The following GPR174 variants were observed in gnomAD, a reference collection of about 807,000 sequenced individuals.
GPR174 encodes the protein probable G protein-coupled receptor 174.
GPR174 carries 8 observed loss-of-function variants against 16.5 expected under a neutral mutation model. That is an observed-to-expected ratio of 0.48 (90% CI 0.28 to 0.87). GPR174 has a LOEUF of 0.87. Ranked by LOEUF, GPR174 falls within the 40% of genes least tolerant of loss-of-function variation. GPR174 has a pLI of 0.09. For missense variants in GPR174, 214 were observed against 247.5 expected, an observed-to-expected ratio of 0.86 and a Z score of 0.91; for synonymous variants, 111 against 94.8, an observed-to-expected ratio of 1.17 and a Z score of -0.99.
intron 2 of GPR174, among the ~76,000 whole-genome samples, chrX:79,158,405 C>G (rs936404761): frequency 2.8e-5 from 3 of 106,015 alleles, no homozygotes; most frequent in African/African-American, 1.0e-4. Context: ...GGTAGGGTAG[C>G]CTACACAGAC....
Position 79,170,948 on chromosome X carries a change from T to G in GPR174, c.-60T>G. 9.8e-7 allele frequency: 1 copy of G among 1,015,521 alleles called. No individual in the cohort carries two copies. The highest frequency in any genetic ancestry group is 1.3e-6 in the Non-Finnish European group (1 of 744,894). 83.7% of individuals were successfully genotyped at this position (1,015,521 alleles called of 1,213,427 possible). A position where few individuals can be genotyped will look rare whatever the true frequency, so the allele number is the denominator to read the frequency against. On this transcript the variant is annotated 5_prime_UTR_variant, in exon 3 of 3. Transcript: ENST00000645147. ...ATCAATCTTTTGGAAGGAACAGCAGTTGATTGTGAATTTAGTTTTGAACCA... is the reference window on the plus strand; with the variant it reads ...ATCAATCTTTTGGAAGGAACAGCAGGTGATTGTGAATTTAGTTTTGAACCA...
chrX:79,163,139 C>A (rs1441967344), intron 2 of GPR174, among the ~76,000 whole-genome samples: 1 of 111,500 alleles, frequency 9.0e-6, no homozygotes, highest in African/African-American at 3.3e-5. Flanking sequence ...GCAGTGTGGA[C>A]ACTTGAAAGA....
intron 2 of GPR174, among the ~76,000 whole-genome samples, chrX:79,166,310 T>G (rs1002695453): frequency 1.8e-5 from 2 of 110,883 alleles, no homozygotes; most frequent in Non-Finnish European, 3.8e-5. Context: ...ATAAACAAGG[T>G]GTGCAAACCA....
At chrX:79,160,925 C>G (rs985790445) in intron 2 of GPR174, among the ~76,000 whole-genome samples, 2 of 111,148 alleles carry the variant, frequency 1.8e-5, no homozygotes, top group African/African-American at 6.5e-5. Flanking sequence ...AGATAAATTT[C>G]CATTTAAGAT....
At position 79,172,757 on chromosome X, in the gene GPR174, A is replaced by G. The variant is rs184557674; in HGVS notation, c.*748A>G. 8.9e-6 allele frequency: 1 copy of G among 111,883 alleles called. No individual in the cohort carries two copies. Among genetic ancestry groups the G allele is most frequent in the Non-Finnish European group, 1.9e-5 (1 of 53,131 alleles). 9.2% of individuals were successfully genotyped at this position (111,883 alleles called of 1,213,427 possible). A position where few individuals can be genotyped will look rare whatever the true frequency, so the allele number is the denominator to read the frequency against. ...TAGGACAGGTAGTTTGTCAAAGTCC[A>G]TACAAGGTGACTCAATTGGGCTCTA... On this transcript the variant is annotated 3_prime_UTR_variant, in exon 3 of 3. Transcript: ENST00000645147.
chrX:79,160,807 G>T (rs1269306850), intron 2 of GPR174, among the ~76,000 whole-genome samples: 1 of 111,908 alleles, frequency 8.9e-6, no homozygotes, highest in Non-Finnish European at 1.9e-5. Context: ...AGTGAAGAGA[G>T]AAGGGAAGAA....
chrX:79,166,801 TCTAA>T (rs1921383894), intron 2 of GPR174, among the ~76,000 whole-genome samples: 3 of 111,567 alleles, frequency 2.7e-5, no homozygotes, highest in South Asian at 3.8e-4. Context: ...CTTAGTTGAA[TCTAA>T]CTGAGTTTCG....
At chrX:79,161,396 C>T (rs1361054878) in intron 2 of GPR174, among the ~76,000 whole-genome samples, 3 of 111,624 alleles carry the variant, frequency 2.7e-5, no homozygotes, top group Non-Finnish European at 3.8e-5. Context: ...GAAATAAAAT[C>T]GTAAAAAAAA....
intron 1 of GPR174, among the ~76,000 whole-genome samples, chrX:79,156,530 A>G (rs951765915): frequency 6.2e-5 from 7 of 112,199 alleles, no homozygotes; most frequent in African/African-American, 2.3e-4. Context: ...AGTTCACCAT[A>G]GTTAAGGGCT....
rs183186570 is a variant in GPR174, at chrX:79,170,720, G to A, written c.-288G>A. ...ATAAGCTCTCATGATGTCCCAGAGG[G>A]CCTTAAAATAAACAAGAGGGGAAAT... is the stretch of plus-strand genomic sequence containing the variant. On this transcript the variant is annotated 5_prime_UTR_variant, in exon 3 of 3. Coordinates refer to ENST00000645147, the MANE Select transcript of GPR174 (RefSeq NM_032553.3). 3.2e-4 allele frequency: 99 copies of A among 308,100 alleles called. 1 individual carries two copies. In the East Asian group the frequency reaches 5.6e-3, roughly 18 times the overall value. The allele number at this position is 308,100 out of a possible 1,213,427, so 25.4% of individuals were successfully genotyped here. A position where few individuals can be genotyped will look rare whatever the true frequency, so the allele number is the denominator to read the frequency against.
In GPR174 at chrX:79,156,155, G is replaced by C. The variant is rs6652676; in HGVS notation, c.-653-667G>C. 7.5e-3 allele frequency among the ~76,000 whole-genome samples: 837 copies of C among 112,009 alleles called. 7 individuals are homozygous for C. Among genetic ancestry groups the C allele is most frequent in the African/African-American group, 0.026 (804 of 30,822 alleles). Reference sequence around the variant, plus strand: ...TGGACACATAGTTTCTTAAAGGATTGAATCCATAATGGGACATTTCTGGCA... The same window carrying C: ...TGGACACATAGTTTCTTAAAGGATTCAATCCATAATGGGACATTTCTGGCA... On this transcript the variant is annotated intron_variant, in intron 1 of 2. Coordinates refer to ENST00000645147, the MANE Select transcript of GPR174 (RefSeq NM_032553.3).
chrX:79,168,870 T>C (rs938010290), intron 2 of GPR174, among the ~76,000 whole-genome samples: 2 of 111,540 alleles, frequency 1.8e-5, no homozygotes, highest in Non-Finnish European at 3.8e-5. Context: ...GAAGCTTGCA[T>C]ATAGTAGGTC....
chrX:79,150,178 G>C (rs1291484595), intron 1 of GPR174, among the ~76,000 whole-genome samples: 1 of 111,289 alleles, frequency 9.0e-6, no homozygotes, highest in South Asian at 3.7e-4. Context: ...CCTTGACTGG[G>C]ACTTGGGCCA....
intron 1 of GPR174, among the ~76,000 whole-genome samples, chrX:79,155,600 T>A (rs966180780): frequency 9.0e-6 from 1 of 111,199 alleles, no homozygotes; most frequent in Non-Finnish European, 1.9e-5. Flanking sequence ...GGTTTTTACT[T>A]ATGATATCTC....
At chrX:79,155,575 A>G (rs1379104902) in intron 1 of GPR174, among the ~76,000 whole-genome samples, 3 of 111,382 alleles carry the variant, frequency 2.7e-5, no homozygotes, top group Non-Finnish European at 5.7e-5. Context: ...GTTATGTGCC[A>G]AGCCCTGGCT....
At chrX:79,166,444 T>TC (rs1921370510) in intron 2 of GPR174, among the ~76,000 whole-genome samples, 2 of 76,471 alleles carry the variant, frequency 2.6e-5, no homozygotes, top group Non-Finnish European at 4.9e-5. Context: ...TTTTTTTTTT[T>TC]TTTTTTTTTT....
chrX:79,153,297 A>G (rs1403721760), intron 1 of GPR174, among the ~76,000 whole-genome samples: 1 of 111,561 alleles, frequency 9.0e-6, no homozygotes, highest in East Asian at 2.8e-4. Context: ...ATTTCTTCTT[A>G]TCTTCTGTGA....
chrX:79,160,438 A>G (rs1464398318), intron 2 of GPR174, among the ~76,000 whole-genome samples: 1 of 112,017 alleles, frequency 8.9e-6, no homozygotes, highest in Admixed American at 9.5e-5. Flanking sequence ...TTTTTAATAA[A>G]TTTATTATTT....
At chrX:79,152,997 C>G (rs983682992) in intron 1 of GPR174, among the ~76,000 whole-genome samples, 13 of 112,027 alleles carry the variant, frequency 1.2e-4, no homozygotes, top group African/African-American at 4.2e-4. Context: ...CCTGGTTAAG[C>G]TTGCAGATTG....
Sources: allele counts gnomAD v4.1 joint callset (sites outside exome capture counted in the v4.1 genomes callset), GRCh38; gene constraint gnomAD v4.1.1; transcripts MANE v1.5; gene names NCBI Gene and HGNC (gene_info 2026-07-23, HGNC 2026-07-21).